RFC3: variants seen among roughly 807,000 people sequenced by gnomAD.
RFC3 encodes the protein replication factor C subunit 3, also known as A1 38 kDa subunit.
In RFC3, 41 loss-of-function variants were observed where a neutral mutation model predicts 45.1. The ratio of observed to expected loss-of-function variants is 0.91; its 90% confidence interval spans 0.71 to 1.18. RFC3 has a LOEUF of 1.18. Among genes scored for constraint, RFC3 ranks in the 50% most tolerant of loss-of-function variants. The pLI is 0.00. For missense variants in RFC3, 423 were observed against 428.1 expected (o/e 0.99, Z 0.10); for synonymous variants, 149 against 144.0 (o/e 1.03, Z -0.25).
chr13:33,819,469 TTTAA>T (rs1278163322), intron 1 of RFC3, among the ~76,000 whole-genome samples: 2 of 152,226 alleles, frequency 1.3e-5, no homozygotes, highest in African/African-American at 4.8e-5. Flanking sequence ...ACAGATACTA[TTTAA>T]TTAAGTGCGT....
At chr13:33,943,841 C>T (rs1300357211) in intron 8 of RFC3, among the ~76,000 whole-genome samples, 1 of 152,076 alleles carries the variant, frequency 6.6e-6, no homozygotes, top group Non-Finnish European at 1.5e-5. Flanking sequence ...TTGACTTTTA[C>T]CATATTGTAT....
At chr13:33,876,803 C>A (rs1364211521) in intron 8 of RFC3, among the ~76,000 whole-genome samples, 4 of 152,160 alleles carry the variant, frequency 2.6e-5, no homozygotes, top group African/African-American at 9.7e-5. Flanking sequence ...CTTCTATGAA[C>A]CTCTATCTTA....
intron 8 of RFC3, among the ~76,000 whole-genome samples, chr13:33,901,502 TAG>T (rs747189905): frequency 2.6e-5 from 4 of 151,926 alleles, no homozygotes; most frequent in Non-Finnish European, 5.9e-5. Context: ...ATCATGGAGA[TAG>T]AGAGTAGACT....
intron 8 of RFC3, among the ~76,000 whole-genome samples, chr13:33,899,275 A>C (rs1483794477): frequency 6.6e-6 from 1 of 151,442 alleles, no homozygotes; most frequent in Admixed American, 6.6e-5. Flanking sequence ...AGAGGCAAAA[A>C]AATTCTCAAC....
chr13:33,902,345 G>A (rs553709165), intron 8 of RFC3, among the ~76,000 whole-genome samples: 2 of 152,128 alleles, frequency 1.3e-5, no homozygotes, highest in South Asian at 4.1e-4. Context: ...GGAGAAACAT[G>A]GGGCTGTCTT....
chr13:33,894,093 C>T (rs2082581233), intron 8 of RFC3, among the ~76,000 whole-genome samples: 1 of 152,124 alleles, frequency 6.6e-6, no homozygotes, highest in African/African-American at 2.4e-5. Flanking sequence ...TGAACTTTTT[C>T]CAATAAGCAA....
intron 8 of RFC3, among the ~76,000 whole-genome samples, chr13:33,965,514 C>A (rs1047706013): frequency 1.3e-5 from 2 of 152,158 alleles, no homozygotes; most frequent in African/African-American, 4.8e-5. Flanking sequence ...AGGACAAAAT[C>A]CCCTTACAGT....
intron 8 of RFC3, among the ~76,000 whole-genome samples, chr13:33,898,192 G>A (rs1023412356): frequency 1.3e-5 from 2 of 151,866 alleles, no homozygotes; most frequent in African/African-American, 4.8e-5. Flanking sequence ...TTCACCCAAC[G>A]GCTGCAGAAT....
rs1300798923 is a variant in RFC3, at chr13:33,834,329, T to TATATATATATATATATACACATAC, written c.810-817_810-816insATATATATATATATACACATACAT. 6.6e-3 allele frequency among the ~76,000 whole-genome samples: 820 copies of TATATATATATATATATACACATAC among 124,876 alleles called. 24 individuals are homozygous for TATATATATATATATATACACATAC. The highest frequency in any genetic ancestry group is 0.012 in the South Asian group (46 of 3,778). 81.9% of individuals were successfully genotyped at this position (124,876 alleles called of 152,430 possible). A position where few individuals can be genotyped will look rare whatever the true frequency, so the allele number is the denominator to read the frequency against. The stretch of plus-strand genomic sequence containing the variant: ...ATATATATATATATATATATATATA[T>TATATATATATATATATACACATAC]ATCTGTACTGTAAAAATTCAGAAGT... On this transcript the variant is annotated intron_variant, in intron 7 of 8. Coordinates refer to ENST00000380071, the MANE Select transcript of RFC3 (RefSeq NM_002915.4).
intron 8 of RFC3, among the ~76,000 whole-genome samples, chr13:33,929,982 T>A (rs1012299930): frequency 6.6e-6 from 1 of 152,148 alleles, no homozygotes; most frequent in Non-Finnish European, 1.5e-5. Flanking sequence ...TTTGTGATAA[T>A]TTGATACTTA....
chr13:33,829,425 G>A (rs893413977), intron 4 of RFC3: 14 of 182,974 alleles, frequency 7.7e-5, no homozygotes, highest in African/African-American at 2.2e-4. Context: ...AAATTTTAGC[G>A]CATATAAATA....
chr13:33,896,088 A>G (rs2082596208), intron 8 of RFC3, among the ~76,000 whole-genome samples: 1 of 151,976 alleles, frequency 6.6e-6, no homozygotes, highest in African/African-American at 2.4e-5. Flanking sequence ...GTTCACTTTA[A>G]TCTCTAACTT....
intron 8 of RFC3, among the ~76,000 whole-genome samples, chr13:33,900,679 C>A (rs1593678169): frequency 6.6e-6 from 1 of 151,684 alleles, no homozygotes; most frequent in African/African-American, 2.4e-5. Flanking sequence ...AAAAAAAGGA[C>A]AAATGGGATT....
chr13:33,840,187 T>C (rs2082187454), downstream of RFC3, among the ~76,000 whole-genome samples: 1 of 152,182 alleles, frequency 6.6e-6, no homozygotes. Context: ...AAACTGATTT[T>C]GAATATTTTT....
intron 8 of RFC3, among the ~76,000 whole-genome samples, chr13:33,863,889 C>G (rs1051394118): frequency 1.3e-4 from 20 of 152,222 alleles, no homozygotes; most frequent in African/African-American, 4.6e-4. Context: ...TTTGTCATTT[C>G]TGCCCCCTCC....
rs1491309104 is a variant in RFC3 at position 33,834,392 on chromosome 13, T to TC, written c.810-756_810-755insC. Among the ~76,000 whole-genome samples the TC allele has an allele frequency of 4.7e-5, 6 of 126,660 alleles. No individual in the cohort carries two copies. The East Asian group carries it at 9.0e-4, about 19-fold the overall frequency. 83.1% of individuals were successfully genotyped at this position (126,660 alleles called of 152,430 possible). A position where few individuals can be genotyped will look rare whatever the true frequency, so the allele number is the denominator to read the frequency against. ...GAATGTGTATTTGGAACTTTCTCTC[T>TC]TTTTTTTTTTTTTCTGTTTTAAAAC... On this transcript the variant is annotated intron_variant, in intron 7 of 8. Coordinates refer to ENST00000380071, the MANE Select transcript of RFC3 (RefSeq NM_002915.4).
chr13:33,950,336 A>G (rs1341376609), intron 8 of RFC3, among the ~76,000 whole-genome samples: 2 of 152,220 alleles, frequency 1.3e-5, no homozygotes, highest in Non-Finnish European at 2.9e-5. Flanking sequence ...CCTCTGGCTA[A>G]GGAACTAGCA....
intron 8 of RFC3, among the ~76,000 whole-genome samples, chr13:33,857,166 T>C (rs1311148861): frequency 6.6e-6 from 1 of 152,188 alleles, no homozygotes; most frequent in Non-Finnish European, 1.5e-5. Flanking sequence ...AGCAAGGAAA[T>C]TGTCTTCAAA....
At position 33,858,560 on chromosome 13, in the gene RFC3, G is replaced by A. The variant is rs532767622; in HGVS notation, c.879+23343G>A. 3.3e-5 allele frequency among the ~76,000 whole-genome samples: 5 copies of A among 152,166 alleles called. No individual in the cohort carries two copies. In the East Asian group the frequency reaches 5.8e-4, roughly 18 times the overall value. ...GGCAGCTGAAACCCCAAATAATCAC[G>A]TTCATGTTCCAGGATGGAAACTTTT... On this transcript the variant is annotated intron_variant, in intron 8 of 8. Coordinates refer to the RFC3 transcript ENST00000434425.
Sources: allele counts gnomAD v4.1 joint callset (sites outside exome capture counted in the v4.1 genomes callset), GRCh38; gene constraint gnomAD v4.1.1; transcripts MANE v1.5; gene names NCBI Gene and HGNC (gene_info 2026-07-23, HGNC 2026-07-21).